GRSF1: variants seen among roughly 807,000 people sequenced by gnomAD.
GRSF1 encodes the protein G-rich RNA sequence binding factor 1.
A neutral mutation model predicts 51.1 loss-of-function variants in GRSF1; 50 were observed. That is an observed-to-expected ratio of 0.98 (90% CI 0.78 to 1.24). The LOEUF (loss-of-function observed/expected upper bound fraction) is 1.24. Among genes scored for constraint, GRSF1 ranks in the 50% most tolerant of loss-of-function variants. The pLI, the probability that GRSF1 is intolerant of heterozygous loss-of-function variation, is 0.00. For synonymous variants in GRSF1, 293 were observed against 253.3 expected, an observed-to-expected ratio of 1.16 and a Z score of -1.49; for missense variants, 700 against 639.7, an observed-to-expected ratio of 1.09 and a Z score of -1.02.
At chr4:70,841,935 C>A (rs1734468903), upstream of GRSF1, among the ~76,000 whole-genome samples, 1 of 152,224 alleles carries the variant, frequency 6.6e-6, no homozygotes, top group African/African-American at 2.4e-5. Context: ...GGAAGGGAGG[C>A]TGGGATGCCT....
chr4:70,826,389 C>T (rs1454945525), intron 6 of GRSF1, 144 bp from the exon 7 acceptor site: 1 of 647,224 alleles, frequency 1.5e-6, no homozygotes, highest in Non-Finnish European at 2.6e-6. Context: ...ATTTCTGCCA[C>T]TCAACAAATA....
At chr4:70,838,511 C>T (rs1055865084) in intron 1 of GRSF1, among the ~76,000 whole-genome samples, 1 of 152,130 alleles carries the variant, frequency 6.6e-6, no homozygotes, top group African/African-American at 2.4e-5. Flanking sequence ...AGACAGCAGC[C>T]ATGCTGATTA....
intron 1 of GRSF1, chr4:70,839,199 G>T (rs1578312433): frequency 1.1e-5 from 15 of 1,408,538 alleles, no homozygotes; most frequent in Non-Finnish European, 1.2e-5. Flanking sequence ...GGGGAACAAG[G>T]CCTCAACATT....
Position 70,832,428 on chromosome 4 carries a change from A to G in GRSF1, c.693T>C (p.Asp231=), listed in dbSNP as rs773993521. The G allele has an allele frequency of 1.2e-6, 2 of 1,608,152 alleles. No homozygotes were observed. The highest frequency in any genetic ancestry group is 1.7e-5 in the Admixed American group (1 of 59,970). ...GCAAGCTCTTCATTAAGGCATCCAC[A>G]TCTTCATTGTTTATCTCATATACTA... ...YVEVYEINNE[D]VDALMKSLQV... is the part of the protein sequence containing the mutation. Residue 231 remains aspartate, a synonymous_variant, in exon 4 of 10, where the codon GAT becomes GAC. Coordinates refer to ENST00000254799, the MANE Select transcript of GRSF1 (RefSeq NM_002092.4).
upstream of GRSF1, among the ~76,000 whole-genome samples, chr4:70,841,692 G>T (rs1734462025): frequency 6.6e-6 from 1 of 151,950 alleles, no homozygotes; most frequent in Admixed American, 6.6e-5. Context: ...GTTTAACCTG[G>T]ACTACTTTTA....
rs1033702821 is a variant in GRSF1, at chr4:70,816,987, C to G, written c.*3900G>C. The G allele has an allele frequency of 2.6e-5, 4 of 152,000 alleles. No homozygotes were observed. The highest frequency in any genetic ancestry group is 5.9e-5 in the Non-Finnish European group (4 of 68,014). 9.4% of individuals were successfully genotyped at this position (152,000 alleles called of 1,614,324 possible). A position where few individuals can be genotyped will look rare whatever the true frequency, so the allele number is the denominator to read the frequency against. On this transcript the variant is annotated 3_prime_UTR_variant, in exon 10 of 10. Transcript: ENST00000254799. The stretch of plus-strand genomic sequence containing the variant: ...AAGCCAAAATACAAAATAGCATGTA[C>G]AGTATAATTTATATTTTTAAAAGAA...
rs1007298635 is a variant in GRSF1, at chr4:70,816,585, G to C, written c.*4302C>G. On this transcript the variant is annotated 3_prime_UTR_variant, in exon 10 of 10. Transcript: ENST00000254799. The stretch of plus-strand genomic sequence containing the variant: ...CTAAAAATACAAAAATTAGTCAGGC[G>C]TGGTGGTGCACATCTGTAATCCCAG... The C allele has an allele frequency of 6.7e-6, 1 of 150,012 alleles. No individual in the cohort carries two copies. Among genetic ancestry groups the C allele is most frequent in the East Asian group, 2.0e-4 (1 of 4,958 alleles). The allele number at this position is 150,012 out of a possible 1,614,324, so 9.3% of individuals were successfully genotyped here.
At chr4:70,821,071 A>G (rs1371815449) in intron 9 of GRSF1, among the ~76,000 whole-genome samples, 3 of 152,232 alleles carry the variant, frequency 2.0e-5, no homozygotes, top group Non-Finnish European at 4.4e-5. Context: ...TATATTTTAA[A>G]TAGATTTTAG....
chr4:70,834,474 C>T (rs950684510), intron 2 of GRSF1, among the ~76,000 whole-genome samples: 2 of 152,058 alleles, frequency 1.3e-5, no homozygotes, highest in Non-Finnish European at 2.9e-5. Flanking sequence ...ATTAATACCA[C>T]AGAGAAAAAT....
chr4:70,826,677 A>AAAAAAT (rs974789910), intron 6 of GRSF1, among the ~76,000 whole-genome samples: 1 of 151,828 alleles, frequency 6.6e-6, no homozygotes, highest in East Asian at 1.9e-4. Flanking sequence ...CTGTCTCTAC[A>AAAAAAT]AAAAATAAAA....
chr4:70,832,534 G>T, intron 3 of GRSF1, 84 bp from the exon 4 acceptor site: 1 of 721,398 alleles, frequency 1.4e-6, no homozygotes, highest in Non-Finnish European at 2.3e-6. Flanking sequence ...CAACTTGCTG[G>T]GTTATCTGAG....
intron 2 of GRSF1, among the ~76,000 whole-genome samples, chr4:70,834,708 G>A (rs904469671): frequency 7.2e-5 from 11 of 152,004 alleles, no homozygotes; most frequent in Non-Finnish European, 5.9e-5. Flanking sequence ...TGCAACCTCC[G>A]CCTCCCAGAT....
chr4:70,826,504 C>T (rs1371398522), intron 6 of GRSF1, among the ~76,000 whole-genome samples: 1 of 151,198 alleles, frequency 6.6e-6, no homozygotes, highest in African/African-American at 2.4e-5. Flanking sequence ...ATGAATTAAA[C>T]CCTAAAAGAG....
chr4:70,838,204 G>GC (rs1734297575), intron 1 of GRSF1, among the ~76,000 whole-genome samples: 1 of 117,398 alleles, frequency 8.5e-6, no homozygotes, highest in South Asian at 3.0e-4. Context: ...GGGCGACAGA[G>GC]CGAGACTCGG....
chr4:70,829,115 T>A (rs1037939397), intron 5 of GRSF1, among the ~76,000 whole-genome samples: 1 of 152,170 alleles, frequency 6.6e-6, no homozygotes, highest in African/African-American at 2.4e-5. Flanking sequence ...GCTCTTGAAC[T>A]CCTGGGCTCA....
rs1733405732 is a variant in GRSF1, at chr4:70,818,859, AAC to A, written c.*2026_*2027del. ...CCTTCAATAGCAAAGAGTGATGCAA[AAC>A]AGTCTTCTCAAATGTGGGGAGACGG... On this transcript the variant is annotated 3_prime_UTR_variant, in exon 10 of 10. Coordinates refer to ENST00000254799, the MANE Select transcript of GRSF1 (RefSeq NM_002092.4). 6.6e-6 allele frequency: 1 copy of A among 152,142 alleles called. No homozygotes were observed. The allele number at this position is 152,142 out of a possible 1,614,324, so 9.4% of individuals were successfully genotyped here.
chr4:70,838,920 C>A (rs758046510), intron 1 of GRSF1: 5 of 339,388 alleles, frequency 1.5e-5, no homozygotes, highest in African/African-American at 4.4e-5. Flanking sequence ...CGGGACAGCT[C>A]GTCTTTCCCT....
At chr4:70,825,946 C>A in intron 7 of GRSF1, 178 bp downstream of exon 7, 3 of 572,524 alleles carry the variant, frequency 5.2e-6, no homozygotes, top group South Asian at 4.2e-5. Context: ...AAAAGTAATA[C>A]CAAGCCACAC....
chr4:70,835,325 G>A (rs555668873), intron 2 of GRSF1, among the ~76,000 whole-genome samples: 88 of 151,128 alleles, frequency 5.8e-4, no homozygotes, highest in African/African-American at 2.0e-3. Context: ...CGCTACTAGG[G>A]AGGCTGAGGC....
Sources: gnomAD v4.1 joint callset for allele counts (sites outside exome capture counted in the v4.1 genomes callset) on GRCh38, gnomAD v4.1.1 for gene constraint, MANE v1.5 for transcripts, NCBI Gene and HGNC (gene_info 2026-07-23, HGNC 2026-07-21) for gene names.